The following SEMA3E variants were observed in gnomAD, a reference collection of about 807,000 sequenced individuals.
SEMA3E encodes semaphorin 3E.
A neutral mutation model predicts 93.6 loss-of-function variants in SEMA3E; 49 were observed. The ratio of observed to expected loss-of-function variants is 0.52; its 90% CI spans 0.42 to 0.66. SEMA3E has a LOEUF of 0.66. Ranked by LOEUF, SEMA3E falls within the 30% of genes least tolerant of loss-of-function variation. The pLI is 0.00. For missense variants in SEMA3E, 906 were observed against 964.8 expected (o/e 0.94, Z 0.81); for synonymous variants, 363 against 330.7 (o/e 1.10, Z -1.06).
In SEMA3E at chr7:83,396,650, A is replaced by C; in HGVS notation, c.1446T>G (p.Leu482=). The change falls in exon 12 of 17, where the codon CTT becomes CTG. Residue 482 remains leucine, a synonymous_variant. Transcript: ENST00000643230. ...ESMEEVILEE[L]QIFKDPVPII... Reference sequence around the variant, plus strand: ...TTGCTTTAAATACCTTGAATATCTGAAGTTCTTCTAGAATTACTTCTTCCA... The same window carrying C: ...TTGCTTTAAATACCTTGAATATCTGCAGTTCTTCTAGAATTACTTCTTCCA... 1 of 1,601,050 alleles carries C rather than the reference A, an allele frequency of 6.2e-7. No individual in the cohort carries two copies. Among genetic ancestry groups the C allele is most frequent in the East Asian group, 2.2e-5 (1 of 44,692 alleles).
intron 1 of SEMA3E, among the ~76,000 whole-genome samples, chr7:83,603,853 C>G (rs1474803493): frequency 6.6e-6 from 1 of 152,112 alleles, no homozygotes; most frequent in East Asian, 1.9e-4. Context: ...AGTGCTTATA[C>G]AAGCATTTGC....
intron 2 of SEMA3E, among the ~76,000 whole-genome samples, chr7:83,476,505 A>G (rs980112062): frequency 1.3e-5 from 2 of 152,196 alleles, no homozygotes; most frequent in Admixed American, 6.5e-5. Context: ...TAACAGAAAT[A>G]TAGGTTTACC....
At position 83,440,406 on chromosome 7, in the gene SEMA3E, G is replaced by T. The variant is rs557006855; in HGVS notation, c.457-21923C>A. Among the ~76,000 whole-genome samples, 11 of 152,224 alleles carry T rather than the reference G, an allele frequency of 7.2e-5. No homozygotes were observed. The South Asian group carries it at 2.3e-3, about 32-fold the overall frequency. ...ACCAATTGGCTAAGAGTTCACATTA[G>T]GGACATTTTCTGTCTGTGGGGTATT... On this transcript the variant is annotated intron_variant, in intron 4 of 16. Coordinates refer to ENST00000643230, the MANE Select transcript of SEMA3E (RefSeq NM_012431.3).
At position 83,641,513 on chromosome 7, in the gene SEMA3E, G is replaced by A. The variant is rs1424525190; in HGVS notation, c.115+6915C>T. Reference sequence around the variant, plus strand: ...GCTGGGCCTACAATTACCTTTGTTAGTACTGTTTATTTTGTGGATTTGGTC... The same window carrying A: ...GCTGGGCCTACAATTACCTTTGTTAATACTGTTTATTTTGTGGATTTGGTC... On this transcript the variant is annotated intron_variant, in intron 1 of 16. Coordinates refer to ENST00000643230, the MANE Select transcript of SEMA3E (RefSeq NM_012431.3). The A allele has an allele frequency of 4.3e-5, 14 of 327,004 alleles. No individual in the cohort carries two copies. The Admixed American group carries it at 7.7e-4, about 18-fold the overall frequency. 20.3% of individuals were successfully genotyped at this position (327,004 alleles called of 1,614,324 possible).
At chr7:83,622,604 G>A (rs952233320) in intron 1 of SEMA3E, among the ~76,000 whole-genome samples, 9 of 152,104 alleles carry the variant, frequency 5.9e-5, no homozygotes, top group African/African-American at 2.2e-4. Flanking sequence ...CGATAGACTG[G>A]ATAAAGAAAA....
chr7:83,490,036 TA>T (rs1275791162), intron 2 of SEMA3E, 77 bp downstream of exon 2: 61 of 1,425,204 alleles, frequency 4.3e-5, no homozygotes, highest in Middle Eastern at 3.5e-4. Flanking sequence ...TCAATACAAT[TA>T]AAAAAAAGAC....
At chr7:83,380,898 C>A (rs1491000150) in intron 16 of SEMA3E, among the ~76,000 whole-genome samples, 1 of 151,976 alleles carries the variant, frequency 6.6e-6, no homozygotes, top group African/African-American at 2.4e-5. Flanking sequence ...ACAGCCTTCA[C>A]ATTTCTTAAT....
intron 2 of SEMA3E, among the ~76,000 whole-genome samples, chr7:83,473,506 A>G (rs950610800): frequency 1.3e-5 from 2 of 152,214 alleles, no homozygotes; most frequent in African/African-American, 2.4e-5. Context: ...AAAATATTAG[A>G]TGTTGCTGAT....
Position 83,365,328 on chromosome 7 carries a change from T to C in SEMA3E, c.*2258A>G, listed in dbSNP as rs1433095306. Reference sequence around the variant, plus strand: ...AAGATTATATACATATATATGTACATATGTGTGTGTATAATTATATGTAAA... The same window carrying C: ...AAGATTATATACATATATATGTACACATGTGTGTGTATAATTATATGTAAA... On this transcript the variant is annotated 3_prime_UTR_variant, in exon 17 of 17. Coordinates refer to ENST00000643230, the MANE Select transcript of SEMA3E (RefSeq NM_012431.3). 1.3e-5 allele frequency: 2 copies of C among 152,160 alleles called. No homozygotes were observed. Among genetic ancestry groups the C allele is most frequent in the African/African-American group, 4.8e-5 (2 of 41,434 alleles). 9.4% of individuals were successfully genotyped at this position (152,160 alleles called of 1,614,324 possible). A position where few individuals can be genotyped will look rare whatever the true frequency, so the allele number is the denominator to read the frequency against.
At chr7:83,528,465 CTG>C (rs1791214073) in intron 1 of SEMA3E, among the ~76,000 whole-genome samples, 1 of 152,034 alleles carries the variant, frequency 6.6e-6, no homozygotes, top group Admixed American at 6.6e-5. Flanking sequence ...AAGTAGTAAA[CTG>C]TCAATTATAA....
chr7:83,596,560 A>T (rs1254672008), intron 1 of SEMA3E, among the ~76,000 whole-genome samples: 1 of 152,146 alleles, frequency 6.6e-6, no homozygotes, highest in Non-Finnish European at 1.5e-5. Context: ...GTGTACAGAC[A>T]TATACATATA....
chr7:83,583,316 T>G (rs796572049), intron 1 of SEMA3E, among the ~76,000 whole-genome samples: 6 of 152,260 alleles, frequency 3.9e-5, no homozygotes, highest in African/African-American at 1.4e-4. Context: ...TTAGGATAAT[T>G]AGCATTTTCA....
chr7:83,604,819 G>A (rs943733870), intron 1 of SEMA3E, among the ~76,000 whole-genome samples: 1 of 151,828 alleles, frequency 6.6e-6, no homozygotes, highest in Non-Finnish European at 1.5e-5. Flanking sequence ...GGTGTGTGTC[G>A]TTCCCCTCCC....
chr7:83,631,274 T>G (rs1793780176), intron 1 of SEMA3E, among the ~76,000 whole-genome samples: 1 of 152,122 alleles, frequency 6.6e-6, no homozygotes, highest in Admixed American at 6.5e-5. Context: ...AGTCTGTAAA[T>G]AATTTTATAA....
chr7:83,387,907 A>C (rs181170572), intron 14 of SEMA3E, among the ~76,000 whole-genome samples: 1 of 132,568 alleles, frequency 7.5e-6, no homozygotes, highest in African/African-American at 3.7e-5. Flanking sequence ...TATATATATA[A>C]AATTCCAGAA....
intron 1 of SEMA3E, among the ~76,000 whole-genome samples, chr7:83,578,355 G>A (rs2115895307): frequency 6.6e-6 from 1 of 152,142 alleles, no homozygotes; most frequent in East Asian, 1.9e-4. Context: ...TCAGGAGTTC[G>A]AGACCAGCCT....
chr7:83,498,176 T>C (rs898146410), intron 1 of SEMA3E, among the ~76,000 whole-genome samples: 2 of 152,178 alleles, frequency 1.3e-5, no homozygotes, highest in Admixed American at 1.3e-4. Flanking sequence ...CTCAACTGTT[T>C]ATGTTATCAG....
At chr7:83,422,006 A>C (rs1788676905) in intron 4 of SEMA3E, among the ~76,000 whole-genome samples, 1 of 152,000 alleles carries the variant, frequency 6.6e-6, no homozygotes. Context: ...GAAGAAATCC[A>C]GTCTCTACTA....
At chr7:83,407,045 G>T (rs1788343019) in intron 7 of SEMA3E, 52 bp downstream of exon 7, 6 of 1,603,214 alleles carry the variant, frequency 3.7e-6, no homozygotes, top group East Asian at 2.2e-5. Flanking sequence ...CTTAATAAAG[G>T]CCTGACCATA....
Sources: gnomAD v4.1 joint callset for allele counts (sites outside exome capture counted in the v4.1 genomes callset) on GRCh38, gnomAD v4.1.1 for gene constraint, MANE v1.5 for transcripts, NCBI Gene and HGNC (gene_info 2026-07-23, HGNC 2026-07-21) for gene names.